Variants in NYAP2 observed in about 807,000 individuals in gnomAD.
NYAP2 encodes neuronal tyrosine-phosphorylated phosphoinositide-3-kinase adaptor 2.
In NYAP2, 23 loss-of-function variants were observed where a neutral mutation model predicts 50.4. That is an observed-to-expected ratio of 0.46 (90% CI 0.33 to 0.65). NYAP2 has a LOEUF of 0.65. NYAP2 is among the 30% of genes least tolerant of loss of function. The pLI is 0.02. For synonymous variants in NYAP2, 394 were observed against 365.2 expected (o/e 1.08, Z -0.90); for missense variants, 885 against 861.0 (o/e 1.03, Z -0.35).
intron 3 of NYAP2, among the ~76,000 whole-genome samples, chr2:225,441,942 A>G (rs1302910582): frequency 1.3e-5 from 2 of 152,190 alleles, no homozygotes; most frequent in Non-Finnish European, 2.9e-5. Flanking sequence ...TGCCTAGTAA[A>G]CAGTCGTCAC....
At chr2:225,549,801 G>A (rs1177483517) in intron 4 of NYAP2, among the ~76,000 whole-genome samples, 1 of 151,982 alleles carries the variant, frequency 6.6e-6, no homozygotes, top group Non-Finnish European at 1.5e-5. Flanking sequence ...GGCCAACATG[G>A]TGAAACCCCC....
intron 6 of NYAP2, among the ~76,000 whole-genome samples, chr2:225,635,463 C>T (rs554039123): frequency 5.3e-5 from 8 of 152,176 alleles, no homozygotes; most frequent in African/African-American, 7.2e-5. Flanking sequence ...GGTACAAAGC[C>T]GGTTTATAAC....
chr2:225,682,620 T>C, the NYAP2 span, among the ~76,000 whole-genome samples: 1 of 152,174 alleles, frequency 6.6e-6, no homozygotes, highest in African/African-American at 2.4e-5. Context: ...AAGCATGGCT[T>C]TGTGAAGTTG....
intron 3 of NYAP2, among the ~76,000 whole-genome samples, chr2:225,496,930 T>C (rs1182995007): frequency 6.6e-6 from 1 of 152,180 alleles, no homozygotes; most frequent in African/African-American, 2.4e-5. Flanking sequence ...TTTTTTTATT[T>C]TTAGATGCAT....
rs180750663 is a variant in NYAP2 at position 225,581,966 on chromosome 2, C to T, written c.549C>T (p.Ser183=). ...CGTCAGCTAAACCAAGACCCCACAG[C>T]GATGAATATTCCAAGAAGATTCCTC... Residue 183 remains serine (S), a synonymous_variant, in exon 5 of 7, where the codon AGC becomes AGT. Coordinates refer to ENST00000636099, the Ensembl canonical transcript of NYAP2. The T allele has an allele frequency of 4.6e-5, 74 of 1,609,128 alleles. No individual in the cohort carries two copies. In the Admixed American group the frequency reaches 7.3e-4, roughly 16 times the overall value.
intron 6 of NYAP2, among the ~76,000 whole-genome samples, chr2:225,633,370 C>T (rs1693354587): frequency 6.6e-6 from 1 of 152,178 alleles, no homozygotes; most frequent in Admixed American, 6.5e-5. Flanking sequence ...ACTTTCTGTG[C>T]TTCTGCTGTT....
At chr2:225,575,337 C>T (rs946813217) in intron 4 of NYAP2, among the ~76,000 whole-genome samples, 1 of 152,100 alleles carries the variant, frequency 6.6e-6, no homozygotes, top group Non-Finnish European at 1.5e-5. Context: ...ATAGTAGCAC[C>T]ATACTTCTGA....
At chr2:225,398,908 C>A (rs965191352), upstream of NYAP2, among the ~76,000 whole-genome samples, 18 of 151,972 alleles carry the variant, frequency 1.2e-4, no homozygotes, top group Admixed American at 5.3e-4. Context: ...TCCCCAGATA[C>A]TTACAAGTTA....
intron 3 of NYAP2, among the ~76,000 whole-genome samples, chr2:225,440,650 T>C (rs1574615947): frequency 6.6e-6 from 1 of 152,142 alleles, no homozygotes; most frequent in East Asian, 1.9e-4. Flanking sequence ...GAGATTGAGG[T>C]GCATTGATAT....
the NYAP2 span, chr2:225,700,545 T>G: frequency 2.6e-5 from 4 of 151,678 alleles, no homozygotes; most frequent in African/African-American, 9.7e-5. Flanking sequence ...AATCTAAGGG[T>G]GATGAAAATG....
chr2:225,661,086 G>A, the NYAP2 span, among the ~76,000 whole-genome samples: 1 of 152,156 alleles, frequency 6.6e-6, no homozygotes, highest in Non-Finnish European at 1.5e-5. Context: ...TGGTTAAATG[G>A]AAAAATTCCT....
At chr2:225,694,155 T>C in the NYAP2 span, among the ~76,000 whole-genome samples, 1 of 152,158 alleles carries the variant, frequency 6.6e-6, no homozygotes, top group Non-Finnish European at 1.5e-5. Flanking sequence ...TAAATGCCTT[T>C]GGATTAAAGA....
chr2:225,602,765 A>G (rs1326594956), intron 5 of NYAP2, among the ~76,000 whole-genome samples: 1 of 152,100 alleles, frequency 6.6e-6, no homozygotes, highest in Admixed American at 6.6e-5. Flanking sequence ...TCATTTGACC[A>G]TATATATAGA....
chr2:225,405,130 A>G (rs1330136553), intron 2 of NYAP2, among the ~76,000 whole-genome samples: 1 of 152,064 alleles, frequency 6.6e-6, no homozygotes, highest in Non-Finnish European at 1.5e-5. Context: ...TTGAGCAAAA[A>G]TGGCAACAGA....
At chr2:225,658,173 C>A (rs1159208074), downstream of NYAP2, among the ~76,000 whole-genome samples, 1 of 152,122 alleles carries the variant, frequency 6.6e-6, no homozygotes, top group African/African-American at 2.4e-5. Context: ...CTCATTAACA[C>A]ACAGCTTCTC....
chr2:225,666,576 C>A, the NYAP2 span, among the ~76,000 whole-genome samples: 1 of 152,108 alleles, frequency 6.6e-6, no homozygotes, highest in Non-Finnish European at 1.5e-5. Flanking sequence ...TAAATTTCAA[C>A]ATTTTTTGAT....
At chr2:225,521,085 G>A (rs1198407753) in intron 4 of NYAP2, among the ~76,000 whole-genome samples, 2 of 143,076 alleles carry the variant, frequency 1.4e-5, no homozygotes, top group Non-Finnish European at 3.0e-5. Context: ...GTCTGTTCTT[G>A]GTGTATAAGA....
intron 4 of NYAP2, among the ~76,000 whole-genome samples, chr2:225,560,262 T>C (rs1691849014): frequency 6.6e-6 from 1 of 152,168 alleles, no homozygotes; most frequent in Admixed American, 6.6e-5. Flanking sequence ...ATTATTTTTA[T>C]TGCAGAGTAC....
At chr2:225,553,816 C>T (rs562863037) in intron 4 of NYAP2, among the ~76,000 whole-genome samples, 3 of 152,176 alleles carry the variant, frequency 2.0e-5, no homozygotes, top group Non-Finnish European at 4.4e-5. Flanking sequence ...GCGGGTGGAT[C>T]ACATGAGGTC....
Sources: gnomAD v4.1 joint callset for allele counts (sites outside exome capture counted in the v4.1 genomes callset) on GRCh38, gnomAD v4.1.1 for gene constraint, MANE v1.5 for transcripts, NCBI Gene and HGNC (gene_info 2026-07-23, HGNC 2026-07-21) for gene names.